Variants in TRAPPC9 observed in about 807,000 individuals in gnomAD.
The protein encoded by TRAPPC9 is trafficking protein particle complex subunit 9, also known as IKK2 binding protein.
In TRAPPC9, 83 loss-of-function variants were observed where a neutral mutation model predicts 124.0. The ratio of observed to expected loss-of-function variants is 0.67; its 90% CI spans 0.56 to 0.80. The LOEUF is 0.80. TRAPPC9 is among the 30% of genes least tolerant of loss of function. TRAPPC9 has a pLI of 0.00. For missense variants in TRAPPC9, 1,302 were observed against 1,508.3 expected, an observed-to-expected ratio of 0.86 and a Z score of 2.27; for synonymous variants, 638 against 617.5, an observed-to-expected ratio of 1.03 and a Z score of -0.49.
Position 139,812,225 on chromosome 8 carries a change from C to CA in TRAPPC9, c.3055+73653dup, listed in dbSNP as rs892622986. Among the ~76,000 whole-genome samples the CA allele has an allele frequency of 1.7e-4, 25 of 151,410 alleles. No homozygotes were observed. In the South Asian group the frequency reaches 1.9e-3, roughly 11 times the overall value. On this transcript the variant is annotated intron_variant, in intron 21 of 22. Transcript: ENST00000438773. ...AATACAATTATAATTCTAGAAAAAG[C>CA]AAAAAAAACTGTTTAAGGAAGGGAA...
intron 21 of TRAPPC9, among the ~76,000 whole-genome samples, chr8:139,769,443 G>A (rs1025654369): frequency 1.3e-5 from 2 of 152,202 alleles, no homozygotes; most frequent in African/African-American, 4.8e-5. Context: ...GAGATGCAGG[G>A]CATGACGGGC....
At chr8:140,358,937 G>A (rs530671378) in intron 9 of TRAPPC9, among the ~76,000 whole-genome samples, 5 of 152,278 alleles carry the variant, frequency 3.3e-5, no homozygotes, top group South Asian at 2.1e-4. Context: ...CCCTCCCATC[G>A]CCAGAGATCT....
intron 17 of TRAPPC9, among the ~76,000 whole-genome samples, chr8:140,052,128 A>G (rs754506144): frequency 6.6e-5 from 10 of 152,034 alleles, no homozygotes; most frequent in Non-Finnish European, 1.5e-4. Context: ...GGCCTTCTGC[A>G]TTCCAGGGTT....
chr8:140,131,849 C>T (rs2061214090), intron 17 of TRAPPC9, among the ~76,000 whole-genome samples: 2 of 152,356 alleles, frequency 1.3e-5, no homozygotes, highest in East Asian at 3.9e-4. Flanking sequence ...TCTTCCTAAT[C>T]TGGCCTAAAG....
At chr8:139,880,346 G>C (rs557315886) in intron 21 of TRAPPC9, among the ~76,000 whole-genome samples, 1 of 152,316 alleles carries the variant, frequency 6.6e-6, no homozygotes, top group African/African-American at 2.4e-5. Context: ...GCCATGGCAA[G>C]ACCCTTGCCC....
intron 21 of TRAPPC9, among the ~76,000 whole-genome samples, chr8:139,866,242 G>A (rs1205166873): frequency 3.3e-5 from 5 of 152,176 alleles, no homozygotes; most frequent in Non-Finnish European, 5.9e-5. Flanking sequence ...TGCTGGGGAG[G>A]TATAATGAGG....
intron 21 of TRAPPC9, among the ~76,000 whole-genome samples, chr8:139,774,397 C>T (rs569813439): frequency 3.3e-5 from 5 of 152,252 alleles, no homozygotes; most frequent in East Asian, 3.9e-4. Flanking sequence ...TGTGTCTGCA[C>T]GGGTGCGTGC....
chr8:140,432,577 T>C (rs1343878642), intron 4 of TRAPPC9, among the ~76,000 whole-genome samples: 1 of 152,118 alleles, frequency 6.6e-6, no homozygotes, highest in African/African-American at 2.4e-5. Flanking sequence ...CCTATAATCA[T>C]AAAAGTCACG....
At chr8:139,734,781 C>T (rs1642318) in intron 21 of TRAPPC9, among the ~76,000 whole-genome samples, 29,155 of 152,246 alleles carry the variant, frequency 0.19, 3,123 homozygotes, top group African/African-American at 0.29. Flanking sequence ...CTCTGCATGA[C>T]ACAGCACTCA....
chr8:140,315,419 G>A (rs2131906016), intron 9 of TRAPPC9, among the ~76,000 whole-genome samples: 1 of 151,814 alleles, frequency 6.6e-6, no homozygotes, highest in South Asian at 2.1e-4. Flanking sequence ...CTTAGTAAAG[G>A]TTATAAAGAT....
chr8:139,916,196 T>C (rs1832118126), intron 19 of TRAPPC9, among the ~76,000 whole-genome samples: 1 of 152,238 alleles, frequency 6.6e-6, no homozygotes, highest in Non-Finnish European at 1.5e-5. Flanking sequence ...TCGCTCACAA[T>C]TTTAAAGTTC....
chr8:140,387,150 T>C (rs892944640), intron 7 of TRAPPC9, among the ~76,000 whole-genome samples: 5 of 152,210 alleles, frequency 3.3e-5, no homozygotes, highest in Non-Finnish European at 5.9e-5. Flanking sequence ...TCCTTACACC[T>C]TATACAAAAA....
chr8:139,979,836 C>A (rs1587400630), intron 19 of TRAPPC9, among the ~76,000 whole-genome samples: 1 of 152,158 alleles, frequency 6.6e-6, no homozygotes, highest in East Asian at 1.9e-4. Flanking sequence ...TAAAGCGGGG[C>A]TTGAGGGAAA....
intron 12 of TRAPPC9, among the ~76,000 whole-genome samples, chr8:140,288,351 A>C (rs1461405227): frequency 1.3e-5 from 2 of 152,234 alleles, no homozygotes; most frequent in Non-Finnish European, 2.9e-5. Context: ...ATCAATCAAT[A>C]AAGTGTGGAA....
chr8:140,137,024 C>G lies in TRAPPC9; in HGVS notation c.2556+84435G>C, dbSNP rs2061315200. ...AACTAAGCTGCAGGACTGGACAGGA[C>G]AGAAATGACAAGATACCCAAAGCAT... is the stretch of plus-strand genomic sequence containing the variant. On this transcript the variant is annotated intron_variant, in intron 17 of 22. Transcript: ENST00000438773. Among the ~76,000 whole-genome samples, 4 of 152,020 alleles carry G rather than the reference C, an allele frequency of 2.6e-5. No homozygotes were observed. In the South Asian group the frequency reaches 8.3e-4, roughly 32 times the overall value.
rs190492625 is a variant in TRAPPC9, at chr8:139,728,574, A to C, written c.*2487T>G. 1.2e-4 allele frequency among the ~76,000 whole-genome samples: 18 copies of C among 152,272 alleles called. No individual in the cohort carries two copies. Among genetic ancestry groups the C allele is most frequent in the Admixed American group, 9.2e-4 (14 of 15,298 alleles). On this transcript the variant is annotated 3_prime_UTR_variant, in exon 23 of 23. Transcript: ENST00000438773. ...ACAGCCAGAAAGACCCAGCCACAGA[A>C]ATGCCAGCAAACAACACCCCTGGCT...
rs1842757482 is a variant in TRAPPC9, at chr8:140,063,665, A to C, written c.2557-39586T>G. 6.6e-6 allele frequency among the ~76,000 whole-genome samples: 1 copy of C among 152,226 alleles called. No individual in the cohort carries two copies. The highest frequency in any genetic ancestry group is 1.5e-5 in the Non-Finnish European group (1 of 68,040). On this transcript the variant is annotated intron_variant, in intron 17 of 22. Transcript: ENST00000438773. This position sits in a 1 kb window ranked among gnomAD's most constrained non-coding sequence, Gnocchi z 4.3. ...AGATTTAGTGCATACTTTTTTCCAT[A>C]AAAGAATTATTTCGGCAGGATGCTG...
At chr8:140,066,180 A>G (rs778787314) in intron 17 of TRAPPC9, among the ~76,000 whole-genome samples, 1 of 152,244 alleles carries the variant, frequency 6.6e-6, no homozygotes, top group African/African-American at 2.4e-5. Context: ...TGGTAGAAAT[A>G]GCAGTAGAAT....
intron 21 of TRAPPC9, among the ~76,000 whole-genome samples, chr8:139,824,814 C>T (rs1401072669): frequency 1.3e-5 from 2 of 152,200 alleles, no homozygotes; most frequent in Non-Finnish European, 2.9e-5. Flanking sequence ...TCACCCACCT[C>T]GGCCTCCCAA....
Sources: allele counts gnomAD v4.1 joint callset (sites outside exome capture counted in the v4.1 genomes callset), GRCh38; gene constraint gnomAD v4.1.1; non-coding constraint Gnocchi (gnomAD v3.1); transcripts MANE v1.5; gene names NCBI Gene and HGNC (gene_info 2026-07-23, HGNC 2026-07-21).